Variants in PCDH15 observed in about 807,000 individuals in gnomAD.
PCDH15 encodes protocadherin related 15.
A neutral mutation model predicts 178.5 loss-of-function variants in PCDH15; 129 were observed. The ratio of observed to expected loss-of-function variants is 0.72; its 90% CI spans 0.63 to 0.84. The LOEUF is 0.84. Ranked by LOEUF, PCDH15 falls within the 40% of genes least tolerant of loss-of-function variation. The probability of loss-of-function intolerance (pLI) is 0.00; values close to 1 mark genes in which losing one functional copy is unlikely to be tolerated. For synonymous variants in PCDH15, 800 were observed against 732.0 expected (o/e 1.09, Z -1.50); for missense variants, 2,230 against 2,099.9 (o/e 1.06, Z -1.21).
intron 1 of PCDH15, among the ~76,000 whole-genome samples, chr10:54,705,247 T>G (rs2095353864): frequency 6.6e-6 from 1 of 151,988 alleles, no homozygotes; most frequent in Non-Finnish European, 1.5e-5. Context: ...AATCTGTACA[T>G]TGCACCCCCA....
chr10:55,343,957 G>C (rs1844672582), intron 2 of PCDH15, among the ~76,000 whole-genome samples: 1 of 152,094 alleles, frequency 6.6e-6, no homozygotes, highest in Non-Finnish European at 1.5e-5. Flanking sequence ...GGAGGTTGCA[G>C]AGAAAAATAA....
intron 8 of PCDH15, among the ~76,000 whole-genome samples, chr10:54,285,393 C>G (rs1215001314): frequency 2.6e-5 from 4 of 151,874 alleles, no homozygotes; most frequent in Admixed American, 6.6e-5. Flanking sequence ...AAACAAATAA[C>G]CTGATTAAAC....
At position 53,817,615 on chromosome 10, in the gene PCDH15, C is replaced by T. The variant is rs565289593; in HGVS notation, c.4452+380G>A. Among the ~76,000 whole-genome samples the T allele has an allele frequency of 5.3e-5, 8 of 149,922 alleles. No homozygotes were observed. In the East Asian group the frequency reaches 1.4e-3, roughly 26 times the overall value. On this transcript the variant is annotated intron_variant, in intron 34 of 37. Transcript: ENST00000644397. ...TGGCTCACTGCAATCTCCGCCTTGC[C>T]GGTTCAAGCAATTCTCCTGTCTCAG...
Position 55,041,929 on chromosome 10 carries a change from G to A in PCDH15, c.-80+124647C>T, listed in dbSNP as rs528063276. ...AATACATAAATCATCATTCTTATAT[G>A]AGACTGTCTCATTTAACTGAACATT... On this transcript the variant is annotated intron_variant, in intron 2 of 5. Transcript: ENST00000458638. 2.0e-5 allele frequency among the ~76,000 whole-genome samples: 3 copies of A among 152,142 alleles called. No individual in the cohort carries two copies. The East Asian group carries it at 5.8e-4, about 29-fold the overall frequency.
intron 2 of PCDH15, among the ~76,000 whole-genome samples, chr10:55,115,602 A>G (rs548890181): frequency 6.6e-6 from 1 of 152,286 alleles, no homozygotes; most frequent in East Asian, 1.9e-4. Context: ...TTGGAGAACT[A>G]GTTAAAATGG....
At chr10:54,778,143 C>T (rs183114795) in intron 1 of PCDH15, among the ~76,000 whole-genome samples, 1 of 152,278 alleles carries the variant, frequency 6.6e-6, no homozygotes, top group East Asian at 1.9e-4. Context: ...TCTTCTGATG[C>T]TAGAAAAGCA....
chr10:54,259,787 G>C (rs1173491252), intron 8 of PCDH15, among the ~76,000 whole-genome samples: 1 of 152,050 alleles, frequency 6.6e-6, no homozygotes, highest in East Asian at 1.9e-4. Flanking sequence ...AATTCTACAA[G>C]GTTCTAGAAA....
At chr10:55,047,217 T>C (rs1309549578) in intron 2 of PCDH15, among the ~76,000 whole-genome samples, 1 of 151,926 alleles carries the variant, frequency 6.6e-6, no homozygotes, top group Non-Finnish European at 1.5e-5. Flanking sequence ...TATTTAATTC[T>C]TGGTACATAG....
At chr10:54,002,865 A>G (rs1452283486) in intron 20 of PCDH15, among the ~76,000 whole-genome samples, 1 of 152,152 alleles carries the variant, frequency 6.6e-6, no homozygotes, top group Non-Finnish European at 1.5e-5. Flanking sequence ...TAACACAGGG[A>G]TATAAGTCCT....
At chr10:55,355,087 A>T (rs1845042269) in intron 2 of PCDH15, among the ~76,000 whole-genome samples, 1 of 152,010 alleles carries the variant, frequency 6.6e-6, no homozygotes, top group South Asian at 2.1e-4. Context: ...TAAATAGTCC[A>T]TTCATTTTTA....
intron 2 of PCDH15, among the ~76,000 whole-genome samples, chr10:55,569,156 GAC>G (rs1055946216): frequency 3.3e-5 from 5 of 151,976 alleles, no homozygotes; most frequent in Admixed American, 1.3e-4. Flanking sequence ...AGCTACTAAT[GAC>G]CTGGATCTAT....
In PCDH15 at chr10:54,020,416, C is replaced by T. The variant is rs770183585; in HGVS notation, c.2527G>A (p.Ala843Thr). 2.5e-6 allele frequency: 4 copies of T among 1,613,220 alleles called. No homozygotes were observed. The highest frequency in any genetic ancestry group is 2.7e-5 in the African/African-American group (2 of 74,810). The change falls in exon 20 of 38, where the codon GCC becomes ACC. Residue 843 changes from alanine (A) to threonine (T), a missense_variant and splice_region_variant. By Grantham distance (58) the Ala-to-Thr change is moderately conservative. Coordinates refer to ENST00000644397, the MANE Select transcript of PCDH15 (RefSeq NM_001384140.1). ...TTTGCTCCAAGGTCGACATCTTTGG[C>T]CTGTAATAAGCAGAAGAATAGTTTT... ...PAGTTILQIEAKDVDLGANVS... is the reference protein window; with the variant it reads ...PAGTTILQIETKDVDLGANVS...
intron 6 of PCDH15, among the ~76,000 whole-genome samples, chr10:54,337,282 A>G (rs1250341090): frequency 2.6e-5 from 4 of 152,016 alleles, no homozygotes; most frequent in Admixed American, 2.6e-4. Context: ...ACTTTGAGGG[A>G]CTGTTGGTAA....
At chr10:54,925,366 G>A (rs974131558) in intron 2 of PCDH15, among the ~76,000 whole-genome samples, 1 of 152,124 alleles carries the variant, frequency 6.6e-6, no homozygotes, top group Non-Finnish European at 1.5e-5. Flanking sequence ...ATATATTAAA[G>A]TTAGGTAGTA....
At chr10:55,583,577 G>A (rs1842666214) in intron 2 of PCDH15, among the ~76,000 whole-genome samples, 1 of 152,084 alleles carries the variant, frequency 6.6e-6, no homozygotes, top group Non-Finnish European at 1.5e-5. Flanking sequence ...GGAATTACAG[G>A]CATGTACCAC....
chr10:55,193,726 A>G (rs1383285086), intron 1 of PCDH15, among the ~76,000 whole-genome samples: 1 of 151,850 alleles, frequency 6.6e-6, no homozygotes, highest in Non-Finnish European at 1.5e-5. Flanking sequence ...TACTGGAGAT[A>G]TTTGTCTTAA....
chr10:54,221,456 A>G (rs2134195464), intron 9 of PCDH15, among the ~76,000 whole-genome samples: 1 of 152,298 alleles, frequency 6.6e-6, no homozygotes, highest in African/African-American at 2.4e-5. Flanking sequence ...TGACTAAGAT[A>G]GTAAGCCTAT....
At chr10:54,662,356 T>C (rs1164051406) in intron 2 of PCDH15, among the ~76,000 whole-genome samples, 1 of 151,942 alleles carries the variant, frequency 6.6e-6, no homozygotes, top group African/African-American at 2.4e-5. Flanking sequence ...TGAGACACCA[T>C]TTCATCCCAG....
chr10:54,463,407 T>C (rs1014228063), intron 3 of PCDH15, among the ~76,000 whole-genome samples: 4 of 152,154 alleles, frequency 2.6e-5, no homozygotes, highest in African/African-American at 9.7e-5. Context: ...ATCTGAGACC[T>C]AGTAAGGATA....
Sources: gnomAD v4.1 joint callset for allele counts (sites outside exome capture counted in the v4.1 genomes callset) on GRCh38, gnomAD v4.1.1 for gene constraint, MANE v1.5 for transcripts, NCBI Gene and HGNC (gene_info 2026-07-23, HGNC 2026-07-21) for gene names.